Variants in PCDHGB3 observed in about 807,000 individuals in gnomAD.
PCDHGB3 encodes protocadherin gamma-B3.
In PCDHGB3, 40 loss-of-function variants were observed where a neutral mutation model predicts 59.2. The ratio of observed to expected loss-of-function variants is 0.68; its 90% confidence interval spans 0.52 to 0.88. The LOEUF is 0.88. PCDHGB3 is among the 40% of genes least tolerant of loss of function. PCDHGB3 has a pLI of 0.00. For missense variants in PCDHGB3, 1,309 were observed against 1,187.9 expected (o/e 1.10, Z -1.50); for synonymous variants, 581 against 503.6 (o/e 1.15, Z -2.06).
intron 1 of PCDHGB3, chr5:141,396,465 C>T (rs1471669939): frequency 6.6e-6 from 1 of 152,072 alleles, no homozygotes; most frequent in African/African-American, 2.4e-5. Flanking sequence ...CTAAAAACTA[C>T]AAAAATTAGC....
intron 1 of PCDHGB3, among the ~76,000 whole-genome samples, chr5:141,380,390 G>A (rs1339602607): frequency 6.6e-6 from 1 of 152,198 alleles, no homozygotes; most frequent in African/African-American, 2.4e-5. Context: ...AGAAAAGAGA[G>A]AAGATAATCA....
chr5:141,422,910 C>T (rs756589496), intron 1 of PCDHGB3: 2 of 1,614,252 alleles, frequency 1.2e-6, no homozygotes, highest in South Asian at 1.1e-5. Context: ...ACAATGCGCC[C>T]GAGATCCTGT....
At position 141,410,454 on chromosome 5, in the gene PCDHGB3, C is replaced by T. The variant is rs199849689; in HGVS notation, c.2415+37645C>T. 5,103 of 1,614,034 alleles carry T rather than the reference C, an allele frequency of 3.2e-3. 16 individuals are homozygous for T. Among genetic ancestry groups the T allele is most frequent in the Non-Finnish European group, 4.0e-3 (4,661 of 1,179,898 alleles). On this transcript the variant is annotated intron_variant, in intron 1 of 3. Transcript: ENST00000576222. ...TACAGTGAGGGGACTTTGCCTTATT[C>T]TTATAATCTGTGCATTGCACATACG... is the stretch of plus-strand genomic sequence containing the variant.
intron 1 of PCDHGB3, chr5:141,390,321 C>G: frequency 6.2e-7 from 1 of 1,607,082 alleles, no homozygotes; most frequent in Non-Finnish European, 8.5e-7. Flanking sequence ...TCATTGCCTA[C>G]CCATTTCTCC....
chr5:141,418,751 A>G (rs2096284782), intron 1 of PCDHGB3: 2 of 1,613,840 alleles, frequency 1.2e-6, no homozygotes, highest in African/African-American at 2.7e-5. Context: ...GGATTACACT[A>G]CAGGAAACAT....
intron 1 of PCDHGB3, chr5:141,399,525 C>G: frequency 6.2e-7 from 1 of 1,614,058 alleles, no homozygotes; most frequent in Non-Finnish European, 8.5e-7. Flanking sequence ...CTGGGGCCTC[C>G]ATCGCGCAAG....
chr5:141,474,291 AGT>A (rs1191263215), intron 1 of PCDHGB3, among the ~76,000 whole-genome samples: 1 of 152,210 alleles, frequency 6.6e-6, no homozygotes, highest in Admixed American at 6.5e-5. Flanking sequence ...CCACTAGATC[AGT>A]GCTTGTCAAA....
At chr5:141,437,187 G>A (rs1055878763) in intron 1 of PCDHGB3, among the ~76,000 whole-genome samples, 1 of 152,148 alleles carries the variant, frequency 6.6e-6, no homozygotes, top group Non-Finnish European at 1.5e-5. Context: ...ACTGGGCAAT[G>A]GGTTTGGATG....
At chr5:141,410,544 G>A (rs1370251538) in intron 1 of PCDHGB3, 3 of 1,613,640 alleles carry the variant, frequency 1.9e-6, no homozygotes, top group Non-Finnish European at 2.5e-6. Flanking sequence ...GACATGGTTT[G>A]CAGTGTTTCT....
At chr5:141,392,593 C>G (rs986653235) in intron 1 of PCDHGB3, 2 of 494,194 alleles carry the variant, frequency 4.0e-6, no homozygotes, top group Non-Finnish European at 7.1e-6. Context: ...CCGCTGTTCA[C>G]CTACTGGAAG....
At chr5:141,408,401 C>T in intron 1 of PCDHGB3, 2 of 1,614,010 alleles carry the variant, frequency 1.2e-6, no homozygotes, top group Non-Finnish European at 8.5e-7. Context: ...TCGCAAGCTG[C>T]GAGTGAGCGC....
rs556656447 is a variant in PCDHGB3 at position 141,500,319 on chromosome 5, C to CT, written c.2475-5073dup. Among the ~76,000 whole-genome samples the CT allele has an allele frequency of 2.6e-5, 4 of 152,122 alleles. No homozygotes were observed. The South Asian group carries it at 8.3e-4, about 32-fold the overall frequency. Reference sequence around the variant, plus strand: ...CGCCTCCCAGGTTCACGCCATGCTCCTGCCTCAGCCTCCAGAATAGCTGGG... The same window carrying CT: ...CGCCTCCCAGGTTCACGCCATGCTCCTTGCCTCAGCCTCCAGAATAGCTGGG... On this transcript the variant is annotated intron_variant, in intron 2 of 3. Coordinates refer to ENST00000576222, the MANE Select transcript of PCDHGB3 (RefSeq NM_018924.5).
intron 2 of PCDHGB3, among the ~76,000 whole-genome samples, chr5:141,501,032 C>A (rs1370625012): frequency 6.6e-6 from 1 of 151,976 alleles, no homozygotes; most frequent in Non-Finnish European, 1.5e-5. Context: ...CCACGCCCAG[C>A]TAATTTTTGT....
At chr5:141,404,100 T>G in intron 1 of PCDHGB3, 1 of 1,613,618 alleles carries the variant, frequency 6.2e-7, no homozygotes, top group African/African-American at 1.3e-5. Context: ...GGTCAAGTTG[T>G]CTGTTCTATC....
chr5:141,404,147 G>A lies in PCDHGB3; in HGVS notation c.2415+31338G>A, dbSNP rs750117507. 2 of 1,612,990 alleles carry A rather than the reference G, an allele frequency of 1.2e-6. No homozygotes were observed. The highest frequency in any genetic ancestry group is 1.7e-6 in the Non-Finnish European group (2 of 1,179,340). ...ATCTTTTACATTAGAAAATTCAGAA[G>A]AAGATTATTACAGATTGTTGACGGC... On this transcript the variant is annotated intron_variant, in intron 1 of 3. Coordinates refer to ENST00000576222, the MANE Select transcript of PCDHGB3 (RefSeq NM_018924.5).
Position 141,490,348 on chromosome 5 carries a change from G to T in PCDHGB3, c.2416-4459G>T, listed in dbSNP as rs2099698964. On this transcript the variant is annotated intron_variant, in intron 1 of 3. Transcript: ENST00000576222. The surrounding 1 kb of genome is among the most constrained non-coding windows in gnomAD (Gnocchi z 5.4). ...GAGCACACCAGTGGGCACAGTAGTG[G>T]GGTTGTTTAATGTGCGAGACCGGGA... The T allele has an allele frequency of 1.2e-6, 2 of 1,614,080 alleles. No homozygotes were observed. The highest frequency in any genetic ancestry group is 3.3e-5 in the Admixed American group (2 of 60,018).
intron 1 of PCDHGB3, chr5:141,441,665 A>ACAGTG (rs936537442): frequency 7.5e-6 from 2 of 265,720 alleles, no homozygotes; most frequent in African/African-American, 4.7e-5. Flanking sequence ...CCTTGAGCGC[A>ACAGTG]CAGTGCGCCT....
chr5:141,495,982 T>C (rs2099765062), intron 2 of PCDHGB3, among the ~76,000 whole-genome samples: 2 of 152,144 alleles, frequency 1.3e-5, no homozygotes. Context: ...TACTCTTTCT[T>C]TATCTCTCTT....
At position 141,487,688 on chromosome 5, in the gene PCDHGB3, G is replaced by A. The variant is rs376927186; in HGVS notation, c.2416-7119G>A. On this transcript the variant is annotated intron_variant, in intron 1 of 3. Coordinates refer to ENST00000576222, the MANE Select transcript of PCDHGB3 (RefSeq NM_018924.5). The surrounding 1 kb of genome is among the most constrained non-coding windows in gnomAD (Gnocchi z 5.0). ...AGGCATATGGCTAGGCCATGTCCTA[G>A]AGAGTACTGGCCTCTCAGTAAGTGC... 6.2e-7 allele frequency: 1 copy of A among 1,604,966 alleles called. No homozygotes were observed.
Sources: allele counts gnomAD v4.1 joint callset (sites outside exome capture counted in the v4.1 genomes callset), GRCh38; gene constraint gnomAD v4.1.1; non-coding constraint Gnocchi (gnomAD v3.1); transcripts MANE v1.5; gene names NCBI Gene and HGNC (gene_info 2026-07-23, HGNC 2026-07-21).